ZBTB40: variants seen among roughly 807,000 people sequenced by gnomAD.
ZBTB40 encodes the protein zinc finger and BTB domain-containing protein 40.
In ZBTB40, 60 loss-of-function variants were observed where a neutral mutation model predicts 117.5. That is an observed-to-expected ratio of 0.51 (90% CI 0.41 to 0.63). ZBTB40 has a LOEUF of 0.63. Among genes scored for constraint, ZBTB40 ranks in the 30% least tolerant of loss-of-function variants. The probability of loss-of-function intolerance (pLI) is 0.00; values close to 1 mark genes in which losing one functional copy is unlikely to be tolerated. For missense variants in ZBTB40, 1,287 were observed against 1,498.5 expected (o/e 0.86, Z 2.33); for synonymous variants, 525 against 577.1 (o/e 0.91, Z 1.29).
At chr1:22,523,595 G>A (rs571874674) in intron 16 of ZBTB40, among the ~76,000 whole-genome samples, 35 of 152,304 alleles carry the variant, frequency 2.3e-4, no homozygotes, top group African/African-American at 7.5e-4. Context: ...TCTCTTGAGC[G>A]TTATGTAAAA....
chr1:22,450,255 G>A (rs1384326755), upstream of ZBTB40, among the ~76,000 whole-genome samples: 1 of 152,176 alleles, frequency 6.6e-6, no homozygotes, highest in African/African-American at 2.4e-5. Flanking sequence ...CCATTAACTC[G>A]ATAAATATTT....
intron 1 of ZBTB40, among the ~76,000 whole-genome samples, chr1:22,461,329 G>GT (rs5773006): frequency 3.1e-4 from 44 of 140,580 alleles, no homozygotes; most frequent in African/African-American, 5.6e-4. Flanking sequence ...GAGTTCCGTT[G>GT]TTTTTTTTTT....
At chr1:22,505,618 A>G (rs1639057391) in intron 5 of ZBTB40, among the ~76,000 whole-genome samples, 1 of 152,250 alleles carries the variant, frequency 6.6e-6, no homozygotes, top group African/African-American at 2.4e-5. Context: ...AACCTATGCT[A>G]ATATTATGAA....
intron 12 of ZBTB40, 149 bp from the exon 13 acceptor site, chr1:22,517,151 A>G: frequency 9.0e-7 from 1 of 1,117,286 alleles, no homozygotes; most frequent in Non-Finnish European, 1.3e-6. Flanking sequence ...GACGGCTCAG[A>G]TCTCACCCAG....
In ZBTB40 at chr1:22,517,380, G is replaced by C. The variant is rs759497986; in HGVS notation, c.2749G>C (p.Gly917Arg). ...ELSRHVRTHTGDKPYVCRDCG... is the reference protein window; with the variant it reads ...ELSRHVRTHTRDKPYVCRDCG... ...GTCCCGCCACGTGAGGACCCACACC[G>C]GGGACAAGCCCTATGTCTGCAGAGA... Residue 917 changes from glycine (G) to arginine (R), a missense_variant, in exon 13 of 18, where the codon GGG becomes CGG. Around this residue, in one of 2 missense-constraint regions of ZBTB40, gnomAD observed 417 missense variants for 564.1 expected, o/e 0.74. Coordinates refer to ENST00000375647, the MANE Select transcript of ZBTB40 (RefSeq NM_014870.4). The C allele has an allele frequency of 6.2e-7, 1 of 1,614,154 alleles. No individual in the cohort carries two copies. Among genetic ancestry groups the C allele is most frequent in the Admixed American group, 1.7e-5 (1 of 60,030 alleles).
chr1:22,491,390 C>A lies in ZBTB40; in HGVS notation c.698-10C>A. 1 of 1,613,410 alleles carries A rather than the reference C, an allele frequency of 6.2e-7. No individual in the cohort carries two copies. Among genetic ancestry groups the A allele is most frequent in the South Asian group, 1.1e-5 (1 of 91,020 alleles). The stretch of plus-strand genomic sequence containing the variant: ...AATTTCTGATTTGTTTTATTTTGTT[C>A]TACATTTAGGATGTGAAAGGAAACA... On this transcript the variant is annotated splice_polypyrimidine_tract_variant and intron_variant, in intron 2 of 17. Transcript: ENST00000375647.
intron 14 of ZBTB40, among the ~76,000 whole-genome samples, chr1:22,521,118 C>G (rs1251329297): frequency 6.6e-6 from 1 of 152,234 alleles, no homozygotes; most frequent in Non-Finnish European, 1.5e-5. Flanking sequence ...ACAGGTGTTA[C>G]AGTTGGAAGG....
intron 1 of ZBTB40, among the ~76,000 whole-genome samples, chr1:22,481,787 C>CAAAAAAA (rs766474050): frequency 4.7e-5 from 3 of 64,306 alleles, no homozygotes; most frequent in African/African-American, 2.1e-4. Flanking sequence ...CTTGTTTTAC[C>CAAAAAAA]AAAAAAAAAA....
intron 5 of ZBTB40, among the ~76,000 whole-genome samples, chr1:22,505,260 A>G (rs559845226): frequency 6.6e-6 from 1 of 152,216 alleles, no homozygotes; most frequent in African/African-American, 2.4e-5. Flanking sequence ...GAGCTAAGCT[A>G]TGCATATTAT....
Position 22,526,370 on chromosome 1 carries a change from A to G in ZBTB40, c.3694A>G (p.Thr1232Ala), listed in dbSNP as rs1315360489. The change falls in exon 18 of 18, where the codon ACG (threonine) becomes GCG (alanine). Residue 1232 changes from threonine (T) to alanine (A), a missense_variant. Around this residue, in one of 2 missense-constraint regions of ZBTB40, gnomAD observed 417 missense variants for 564.1 expected, o/e 0.74. Transcript: ENST00000375647. ...GGAGGACTTGCTGGATGGCACAGTGACGCTGATCTGTGGTGAGGCCAAATG... is the reference window on the plus strand; with the variant it reads ...GGAGGACTTGCTGGATGGCACAGTGGCGCTGATCTGTGGTGAGGCCAAATG... ...TVEDLLDGTVTLICGEAK is the reference protein window; with the variant it reads ...TVEDLLDGTVALICGEAK The G allele has an allele frequency of 6.2e-7, 1 of 1,614,180 alleles. No individual in the cohort carries two copies. Among genetic ancestry groups the G allele is most frequent in the Admixed American group, 1.7e-5 (1 of 60,032 alleles).
At chr1:22,519,740 G>GAA in intron 13 of ZBTB40, 35 of 382,828 alleles carry the variant, frequency 9.1e-5, no homozygotes, top group East Asian at 1.9e-4. Context: ...GGACGAGCCA[G>GAA]GGTGAAACTC....
chr1:22,467,795 T>C lies in ZBTB40; in HGVS notation c.-70+15791T>C, dbSNP rs1218089600. Among the ~76,000 whole-genome samples the C allele has an allele frequency of 2.9e-4, 34 of 117,452 alleles. No homozygotes were observed. The East Asian group carries it at 9.4e-3, about 33-fold the overall frequency. 77.1% of individuals were successfully genotyped at this position (117,452 alleles called of 152,430 possible). A position where few individuals can be genotyped will look rare whatever the true frequency, so the allele number is the denominator to read the frequency against. Reference sequence around the variant, plus strand: ...AGGCCTGTTTTTTTTTTTTTTTTTTTCCTGATAATAATAGCAGGCTGGGCA... The same window carrying C: ...AGGCCTGTTTTTTTTTTTTTTTTTTCCCTGATAATAATAGCAGGCTGGGCA... On this transcript the variant is annotated intron_variant, in intron 1 of 17. Transcript: ENST00000375647.
At chr1:22,467,973 T>C (rs1285262456) in intron 1 of ZBTB40, among the ~76,000 whole-genome samples, 1 of 151,308 alleles carries the variant, frequency 6.6e-6, no homozygotes, top group East Asian at 1.9e-4. Context: ...CCTGTAGTCC[T>C]AGCTACCTGA....
rs1639481282 is a variant in ZBTB40 at position 22,520,112 on chromosome 1, T to C, written c.2885T>C (p.Leu962Pro). ...AAGTGCAGGATGAGTTTCCCCACTC[T>C]TCAGGATCACCGGAAGCACATCCAT... The part of the protein sequence containing the change: ...CKKCRMSFPT[L>P]QDHRKHIHEV... The change falls in exon 14 of 18, where the codon CTT becomes CCT. Residue 962 changes from leucine to proline, a missense_variant. This residue lies in a region of ZBTB40 where 417 missense variants were observed against 564.1 expected (regional missense o/e 0.74). Transcript: ENST00000375647. 6.2e-7 allele frequency: 1 copy of C among 1,614,062 alleles called. No homozygotes were observed.
intron 1 of ZBTB40, among the ~76,000 whole-genome samples, chr1:22,468,173 C>G (rs1185168574): frequency 6.6e-6 from 1 of 151,572 alleles, no homozygotes; most frequent in Non-Finnish European, 1.5e-5. Context: ...CAGGTGCATT[C>G]TCTCATTTCA....
intron 1 of ZBTB40, among the ~76,000 whole-genome samples, chr1:22,431,362 T>TTGTGTGTGTG (rs1179435023): frequency 4.4e-5 from 5 of 112,862 alleles, no homozygotes; most frequent in African/African-American, 2.1e-4. Flanking sequence ...CATATATATT[T>TTGTGTGTGTG]TGTGTGTGTG....
At chr1:22,515,117 A>G (rs551625113) in intron 12 of ZBTB40, among the ~76,000 whole-genome samples, 1 of 152,212 alleles carries the variant, frequency 6.6e-6, no homozygotes, top group Admixed American at 6.5e-5. Flanking sequence ...TTGTGGAGAA[A>G]CCTAAACAAA....
chr1:22,429,436 A>G (rs965496879), intron 1 of ZBTB40, among the ~76,000 whole-genome samples: 11 of 152,046 alleles, frequency 7.2e-5, no homozygotes, highest in Non-Finnish European at 1.6e-4. Context: ...GCATTTGCCT[A>G]CATTTTTTTT....
At chr1:22,453,693 C>CA (rs1256441663) in intron 1 of ZBTB40, among the ~76,000 whole-genome samples, 1 of 152,170 alleles carries the variant, frequency 6.6e-6, no homozygotes, top group African/African-American at 2.4e-5. Context: ...GAAACAAACT[C>CA]ACGTCGGAGA....
Sources: allele counts gnomAD v4.1 joint callset (sites outside exome capture counted in the v4.1 genomes callset), GRCh38; gene constraint gnomAD v4.1.1; regional missense constraint gnomAD v4.1.1; transcripts MANE v1.5; gene names NCBI Gene and HGNC (gene_info 2026-07-23, HGNC 2026-07-21).